The following NR3C1 variants were observed in gnomAD, a reference collection of about 807,000 sequenced individuals.
NR3C1 encodes glucocorticoid receptor.
Under a neutral mutation model 74.0 loss-of-function variants are expected in NR3C1, and 14 were observed. The ratio of observed to expected loss-of-function variants is 0.19; its 90% CI spans 0.12 to 0.30. The LOEUF (loss-of-function observed/expected upper bound fraction) is 0.30, where lower values mean the gene tolerates loss of function less well. Among genes scored for constraint, NR3C1 ranks in the 10% least tolerant of loss-of-function variants. The pLI, the probability that NR3C1 is intolerant of heterozygous loss-of-function variation, is 1.00. For missense variants in NR3C1, 695 were observed against 909.8 expected, an observed-to-expected ratio of 0.76 and a Z score of 3.04; for synonymous variants, 308 against 332.5, an observed-to-expected ratio of 0.93 and a Z score of 0.80.
intron 4 of NR3C1, among the ~76,000 whole-genome samples, chr5:143,303,601 A>G (rs1818954844): frequency 6.6e-6 from 1 of 152,056 alleles, no homozygotes; most frequent in African/African-American, 2.4e-5. Flanking sequence ...CATCATTCTA[A>G]TACCAAAACC....
intron 2 of NR3C1, among the ~76,000 whole-genome samples, chr5:143,318,041 T>A (rs554731696): frequency 4.6e-5 from 7 of 152,268 alleles, no homozygotes; most frequent in African/African-American, 1.7e-4. Context: ...TCCATTCCCT[T>A]ATTAGTGCCA....
At chr5:143,301,382 C>A (rs189033148) in intron 4 of NR3C1, among the ~76,000 whole-genome samples, 1 of 152,054 alleles carries the variant, frequency 6.6e-6, no homozygotes, top group African/African-American at 2.4e-5. Flanking sequence ...AACATAAATA[C>A]TGCGTGGGAC....
At chr5:143,294,386 T>G in intron 7 of NR3C1, 1 of 854,368 alleles carries the variant, frequency 1.2e-6, no homozygotes, top group Non-Finnish European at 1.4e-6. Flanking sequence ...ACCAACTAGT[T>G]CATAGAGCTT....
chr5:143,362,779 T>G (rs1227850258), intron 2 of NR3C1, among the ~76,000 whole-genome samples: 3 of 152,210 alleles, frequency 2.0e-5, no homozygotes, highest in Non-Finnish European at 4.4e-5. Flanking sequence ...CTGGGGCACA[T>G]GACGGGTGGA....
chr5:143,286,109 CATTTGAAGGAAACAGTTAA>C (rs764985392), intron 7 of NR3C1, among the ~76,000 whole-genome samples: 17 of 151,982 alleles, frequency 1.1e-4, no homozygotes, highest in Non-Finnish European at 2.1e-4. Flanking sequence ...ATAAATTCAA[CATTTGAAGGAAACAGTTAA>C]ATTCCTTCAA....
At chr5:143,382,319 A>G (rs1003683863) in intron 2 of NR3C1, among the ~76,000 whole-genome samples, 1 of 152,224 alleles carries the variant, frequency 6.6e-6, no homozygotes, top group Non-Finnish European at 1.5e-5. Flanking sequence ...ATAAAAATTA[A>G]AAATAAATTT....
chr5:143,402,599 G>T (rs10482615), intron 1 of NR3C1: 10 of 985,390 alleles, frequency 1.0e-5, no homozygotes, highest in Non-Finnish European at 1.1e-5. Context: ...AGTACGTCCA[G>T]ACCTGTTGAG....
At chr5:143,359,257 T>C (rs1023753448) in intron 2 of NR3C1, among the ~76,000 whole-genome samples, 2 of 152,312 alleles carry the variant, frequency 1.3e-5, no homozygotes, top group Non-Finnish European at 2.9e-5. Flanking sequence ...CTCACCAAAA[T>C]CTAGACTGTA....
chr5:143,398,207 C>T (rs1460214186), intron 2 of NR3C1, among the ~76,000 whole-genome samples: 2 of 151,866 alleles, frequency 1.3e-5, no homozygotes, highest in African/African-American at 4.8e-5. Context: ...ACAGCTTATG[C>T]AATAATAAAG....
At chr5:143,403,839 C>G (rs1306517301), upstream of NR3C1, 20 of 969,446 alleles carry the variant, frequency 2.1e-5, no homozygotes, top group Non-Finnish European at 2.3e-5. Context: ...CCCCCACGCC[C>G]TCCGCGCGGG....
At chr5:143,295,047 G>C in intron 7 of NR3C1, 1 of 985,340 alleles carries the variant, frequency 1.0e-6, no homozygotes, top group Non-Finnish European at 1.2e-6. Flanking sequence ...TCTAGGATGC[G>C]CCTTTTTCTC....
At chr5:143,306,921 G>T (rs1172685899) in intron 4 of NR3C1, among the ~76,000 whole-genome samples, 1 of 103,986 alleles carries the variant, frequency 9.6e-6, no homozygotes, top group East Asian at 3.1e-4. Context: ...TTTTGAGACG[G>T]AGTCTCGCTC....
At position 143,280,210 on chromosome 5, in the gene NR3C1, G is replaced by A. The variant is rs142572785; in HGVS notation, c.*1679C>T. The A allele has an allele frequency of 5.9e-5, 9 of 152,620 alleles. No individual in the cohort carries two copies. The highest frequency in any genetic ancestry group is 1.9e-4 in the African/African-American group (8 of 41,534). 9.5% of individuals were successfully genotyped at this position (152,620 alleles called of 1,614,324 possible). On this transcript the variant is annotated 3_prime_UTR_variant, in exon 9 of 9. Transcript: ENST00000394464. ...CTACAAAAAATATATAACATGTCAT[G>A]ATAAAACAATCTCATCTAAAAATCA...
At chr5:143,362,298 C>T (rs1324204879) in intron 2 of NR3C1, among the ~76,000 whole-genome samples, 2 of 152,066 alleles carry the variant, frequency 1.3e-5, no homozygotes, top group Non-Finnish European at 2.9e-5. Context: ...ATGAAAATAA[C>T]AGTCCACATT....
At chr5:143,384,245 TC>T (rs1413463947) in intron 2 of NR3C1, among the ~76,000 whole-genome samples, 1 of 152,086 alleles carries the variant, frequency 6.6e-6, no homozygotes, top group Non-Finnish European at 1.5e-5. Context: ...ACTAGGCCCC[TC>T]CCCTGACATG....
chr5:143,412,611 C>G (rs776552856), intron 1 of NR3C1, among the ~76,000 whole-genome samples: 1 of 152,186 alleles, frequency 6.6e-6, no homozygotes, highest in Admixed American at 6.5e-5. Flanking sequence ...CAGAAAACTT[C>G]TGGCAACCAC....
upstream of NR3C1, chr5:143,403,835 C>G: frequency 1.0e-6 from 1 of 968,974 alleles, no homozygotes; most frequent in Non-Finnish European, 1.2e-6. Context: ...CCTGCCCCCA[C>G]GCCCTCCGCG....
chr5:143,366,383 G>A (rs939051080), intron 2 of NR3C1, among the ~76,000 whole-genome samples: 19 of 151,888 alleles, frequency 1.3e-4, no homozygotes, highest in South Asian at 4.2e-4. Flanking sequence ...GGTGGTGGGC[G>A]CTTGTAATCC....
rs1216951244 is a variant in NR3C1, at chr5:143,400,595, A to T, written c.245T>A (p.Val82Asp). ...CATATACAGTCCCATTGAGAGTGAA[A>T]CTGCTTTGGACAGATCTGGCTGCTG... ...NAQQPDLSKA[V>D]SLSMGLYMGE... The change falls in exon 2 of 9, where the codon GTT becomes GAT. Residue 82 changes from valine to aspartate, a missense_variant. This residue lies in a region of NR3C1 where 497 missense variants were observed against 489.5 expected (regional missense o/e 1.02). Transcript: ENST00000394464. The T allele has an allele frequency of 6.2e-7, 1 of 1,614,174 alleles. No individual in the cohort carries two copies. Among genetic ancestry groups the T allele is most frequent in the Non-Finnish European group, 8.5e-7 (1 of 1,180,030 alleles).
Sources: gnomAD v4.1 joint callset for allele counts (sites outside exome capture counted in the v4.1 genomes callset) on GRCh38, gnomAD v4.1.1 for gene constraint, gnomAD v4.1.1 regional missense constraint, MANE v1.5 for transcripts, NCBI Gene and HGNC (gene_info 2026-07-23, HGNC 2026-07-21) for gene names.